Variants in KCNS3 observed in about 807,000 individuals in gnomAD.
KCNS3 encodes delayed-rectifier potassium channel regulatory subunit KCNS3.
Under a neutral mutation model 31.0 loss-of-function variants are expected in KCNS3, and 13 were observed. That is an observed-to-expected ratio of 0.42 (90% confidence interval 0.27 to 0.67). KCNS3 has a LOEUF of 0.67. KCNS3 is among the 30% of genes least tolerant of loss of function. KCNS3 has a pLI of 0.25. For synonymous variants in KCNS3, 238 were observed against 241.5 expected (o/e 0.99, Z 0.13); for missense variants, 545 against 622.4 (o/e 0.88, Z 1.32).
At position 17,932,182 on chromosome 2, in the gene KCNS3, A is replaced by T. The variant is rs1572507648; in HGVS notation, c.1174A>T (p.Ile392Phe). 2 of 1,613,400 alleles carry T rather than the reference A, an allele frequency of 1.2e-6. No homozygotes were observed. Reference protein sequence around the residue: ...AGKLIASTCIICGILVVALPI... With the variant: ...AGKLIASTCIFCGILVVALPI... Reference sequence around the variant, plus strand: ...AAAGCTCATCGCCAGCACATGCATCATCTGTGGCATCTTGGTGGTGGCCCT... The same window carrying T: ...AAAGCTCATCGCCAGCACATGCATCTTCTGTGGCATCTTGGTGGTGGCCCT... The change falls in exon 3 of 3, where the codon ATC becomes TTC. Residue 392 changes from isoleucine (I) to phenylalanine (F), a missense_variant. Physicochemically the swap from Ile to Phe is conservative, Grantham distance 21. Coordinates refer to ENST00000304101, the MANE Select transcript of KCNS3 (RefSeq NM_002252.5).
chr2:17,920,397 A>G (rs1026097573), intron 2 of KCNS3, among the ~76,000 whole-genome samples: 6 of 152,166 alleles, frequency 3.9e-5, no homozygotes, highest in African/African-American at 1.4e-4. Flanking sequence ...TTTTGAGAAT[A>G]TTTTCTTAGG....
intron 1 of KCNS3, among the ~76,000 whole-genome samples, chr2:17,888,986 G>A (rs185957385): frequency 2.0e-5 from 3 of 151,858 alleles, no homozygotes; most frequent in Admixed American, 2.0e-4. Context: ...ATTTTGATGG[G>A]GATTGCATTG....
In KCNS3 at chr2:17,932,521, C is replaced by G; in HGVS notation, c.*37C>G. Reference sequence around the variant, plus strand: ...TGTGCCTGTTTCTCTTATCCTTTCCCGACATTAGGTTAACACAGCTTTATA... The same window carrying G: ...TGTGCCTGTTTCTCTTATCCTTTCCGGACATTAGGTTAACACAGCTTTATA... On this transcript the variant is annotated 3_prime_UTR_variant, in exon 3 of 3. Coordinates refer to ENST00000304101, the MANE Select transcript of KCNS3 (RefSeq NM_002252.5). 1 of 1,571,384 alleles carries G rather than the reference C, an allele frequency of 6.4e-7. No individual in the cohort carries two copies. The highest frequency in any genetic ancestry group is 1.2e-5 in the South Asian group (1 of 81,664).
intron 1 of KCNS3, among the ~76,000 whole-genome samples, chr2:17,904,028 G>A (rs1255075350): frequency 3.3e-5 from 5 of 152,004 alleles, no homozygotes; most frequent in East Asian, 3.8e-4. Flanking sequence ...CTGAGGAGTC[G>A]CCACACTGAC....
At chr2:17,920,188 TC>T (rs1662678786) in intron 2 of KCNS3, among the ~76,000 whole-genome samples, 1 of 152,200 alleles carries the variant, frequency 6.6e-6, no homozygotes, top group Non-Finnish European at 1.5e-5. Flanking sequence ...TTTTTGGACA[TC>T]TACAAAACAA....
At chr2:17,898,429 C>T (rs1662083091) in intron 1 of KCNS3, among the ~76,000 whole-genome samples, 1 of 152,174 alleles carries the variant, frequency 6.6e-6, no homozygotes, top group South Asian at 2.1e-4. Flanking sequence ...ATTGATTATT[C>T]CTGTAATTTC....
In KCNS3 at chr2:17,888,386, G is replaced by A. The variant is rs188883195; in HGVS notation, c.-252+9580G>A. 3.1e-3 allele frequency among the ~76,000 whole-genome samples: 466 copies of A among 151,514 alleles called. 4 individuals carry two copies. The highest frequency in any genetic ancestry group is 0.011 in the African/African-American group (440 of 41,300). The stretch of plus-strand genomic sequence containing the variant: ...TCCTTAATACATCTTGTTGATTTTC[G>A]TATAAGATGAGAGATGAGGATCCAA... On this transcript the variant is annotated intron_variant, in intron 1 of 2. Transcript: ENST00000304101.
chr2:17,930,909 C>T lies in KCNS3; in HGVS notation c.-59-41C>T, dbSNP rs140916406. On this transcript the variant is annotated intron_variant, in intron 2 of 2. Coordinates refer to ENST00000304101, the MANE Select transcript of KCNS3 (RefSeq NM_002252.5). The stretch of plus-strand genomic sequence containing the variant: ...GATTAAAAATAAGCTTGGCTGGGCA[C>T]GGCAGGACAGAGTGCTAATATCATC... The T allele has an allele frequency of 1.3e-4, 177 of 1,392,944 alleles. No individual in the cohort carries two copies. The African/African-American group carries it at 1.3e-3, about 10-fold the overall frequency. 86.3% of individuals were successfully genotyped at this position (1,392,944 alleles called of 1,614,324 possible).
Position 17,894,076 on chromosome 2 carries a change from T to A in KCNS3, c.-252+15270T>A, listed in dbSNP as rs540952931. On this transcript the variant is annotated intron_variant, in intron 1 of 2. Transcript: ENST00000304101. ...AGTTGCTTTTTACCAGTCATCCCTA[T>A]AACCCACATCAATGGAGTTAAGAAT... 9.4e-4 allele frequency among the ~76,000 whole-genome samples: 142 copies of A among 151,338 alleles called. 1 individual carries two copies. Among genetic ancestry groups the A allele is most frequent in the Admixed American group, 3.5e-3 (53 of 15,150 alleles).
intron 1 of KCNS3, among the ~76,000 whole-genome samples, chr2:17,884,863 A>C (rs1306173907): frequency 6.6e-6 from 1 of 151,098 alleles, no homozygotes; most frequent in African/African-American, 2.4e-5. Flanking sequence ...AAGATTAGAC[A>C]TTTGAATCCT....
chr2:17,926,730 C>A (rs932713085), intron 2 of KCNS3, among the ~76,000 whole-genome samples: 1 of 152,246 alleles, frequency 6.6e-6, no homozygotes, highest in African/African-American at 2.4e-5. Flanking sequence ...GGCCCTAGGC[C>A]TAGCCCATAA....
chr2:17,909,171 C>G (rs891599481), intron 1 of KCNS3, among the ~76,000 whole-genome samples: 3 of 152,246 alleles, frequency 2.0e-5, no homozygotes, highest in Non-Finnish European at 2.9e-5. Flanking sequence ...GCGCCCCTCC[C>G]CCAGCCTCGC....
chr2:17,890,061 G>GT (rs561361143), intron 1 of KCNS3, among the ~76,000 whole-genome samples: 21 of 151,886 alleles, frequency 1.4e-4, no homozygotes, highest in African/African-American at 4.6e-4. Context: ...GTCCTGGACT[G>GT]TTTTTTTGGC....
chr2:17,927,721 C>G (rs1662869795), intron 2 of KCNS3, among the ~76,000 whole-genome samples: 1 of 152,202 alleles, frequency 6.6e-6, no homozygotes, highest in South Asian at 2.1e-4. Context: ...TCACCTCCCA[C>G]CAGTTCTCTT....
At chr2:17,890,276 G>A (rs895560658) in intron 1 of KCNS3, among the ~76,000 whole-genome samples, 3 of 151,966 alleles carry the variant, frequency 2.0e-5, no homozygotes, top group Non-Finnish European at 4.4e-5. Flanking sequence ...AATATTTCCT[G>A]CTTCGTTTCT....
chr2:17,915,087 C>T (rs1662557758), intron 1 of KCNS3, among the ~76,000 whole-genome samples: 2 of 152,140 alleles, frequency 1.3e-5, no homozygotes, highest in South Asian at 4.1e-4. Flanking sequence ...GTCATTTGTT[C>T]ACTTTTGAAT....
At chr2:17,884,932 G>GTT (rs55738585) in intron 1 of KCNS3, among the ~76,000 whole-genome samples, 7,515 of 127,912 alleles carry the variant, frequency 0.059, 350 homozygotes, top group Non-Finnish European at 0.09. Context: ...CTTCCCTGTT[G>GTT]TTTTTTTTTT....
At chr2:17,923,654 G>T (rs548795670) in intron 2 of KCNS3, among the ~76,000 whole-genome samples, 1 of 151,976 alleles carries the variant, frequency 6.6e-6, no homozygotes, top group Admixed American at 6.6e-5. Context: ...TTTGTATATA[G>T]TGTGGGATAC....
intron 1 of KCNS3, among the ~76,000 whole-genome samples, chr2:17,893,632 A>G (rs1661912088): frequency 6.6e-6 from 1 of 152,106 alleles, no homozygotes; most frequent in Non-Finnish European, 1.5e-5. Flanking sequence ...TCGGCTCTCT[A>G]ACTTGACTCA....
Sources: allele counts gnomAD v4.1 joint callset (sites outside exome capture counted in the v4.1 genomes callset), GRCh38; gene constraint gnomAD v4.1.1; transcripts MANE v1.5; gene names NCBI Gene and HGNC (gene_info 2026-07-23, HGNC 2026-07-21).